ACSL4: variants seen among roughly 807,000 people sequenced by gnomAD.
ACSL4 encodes acyl-CoA synthetase long chain family member 4, also known as long-chain-fatty-acid--CoA ligase 4.
ACSL4 carries 9 observed loss-of-function variants against 49.1 expected under a neutral mutation model. The observed-to-expected ratio is 0.18, with a 90% CI of 0.11 to 0.32. ACSL4 has a LOEUF of 0.32. Among genes scored for constraint, ACSL4 ranks in the 10% least tolerant of loss-of-function variants. The pLI is 1.00. For missense variants in ACSL4, 333 were observed against 493.7 expected (o/e 0.67, Z 3.08); for synonymous variants, 191 against 170.3 (o/e 1.12, Z -0.95).
intron 15 of ACSL4, among the ~76,000 whole-genome samples, chrX:109,647,168 T>C (rs1323958481): frequency 2.7e-5 from 3 of 111,064 alleles, no homozygotes; most frequent in Non-Finnish European, 5.7e-5. Context: ...CTGCACCAAG[T>C]GGACCTAATA....
intron 1 of ACSL4, among the ~76,000 whole-genome samples, chrX:109,731,841 C>T (rs905960788): frequency 8.9e-6 from 1 of 112,094 alleles, no homozygotes; most frequent in African/African-American, 3.2e-5. Flanking sequence ...AAGGAAGAGG[C>T]CTTACACTGT....
intron 1 of ACSL4, among the ~76,000 whole-genome samples, chrX:109,719,157 T>C (rs970294750): frequency 1.8e-5 from 2 of 112,448 alleles, no homozygotes; most frequent in African/African-American, 6.5e-5. Flanking sequence ...ATCAGCTCTG[T>C]AAAACGTGTT....
At chrX:109,715,646 TAGAG>T (rs941246872) in intron 1 of ACSL4, among the ~76,000 whole-genome samples, 8 of 108,876 alleles carry the variant, frequency 7.3e-5, no homozygotes, top group African/African-American at 1.0e-4. Flanking sequence ...TATATATATA[TAGAG>T]AGAGATCAAA....
At chrX:109,686,064 C>G (rs775597952) in intron 2 of ACSL4, among the ~76,000 whole-genome samples, 4 of 111,736 alleles carry the variant, frequency 3.6e-5, no homozygotes, top group African/African-American at 1.3e-4. Flanking sequence ...TAAGGTATGT[C>G]ATGTCAAGGG....
intron 15 of ACSL4, among the ~76,000 whole-genome samples, chrX:109,646,799 T>C (rs368814148): frequency 2.7e-5 from 3 of 109,856 alleles, no homozygotes; most frequent in African/African-American, 9.9e-5. Flanking sequence ...GAGACACACA[T>C]AGGCTCAAAA....
intron 6 of ACSL4, among the ~76,000 whole-genome samples, chrX:109,680,737 C>T (rs1439681926): frequency 8.9e-6 from 1 of 112,881 alleles, no homozygotes; most frequent in Non-Finnish European, 1.9e-5. Flanking sequence ...AATGAAGAAA[C>T]ATTTGGCAGC....
At chrX:109,660,192 T>A (rs1306042285) in intron 14 of ACSL4, among the ~76,000 whole-genome samples, 1 of 111,053 alleles carries the variant, frequency 9.0e-6, no homozygotes, top group African/African-American at 3.3e-5. Flanking sequence ...AAATCATATA[T>A]CTGATAAGGG....
intron 1 of ACSL4, among the ~76,000 whole-genome samples, chrX:109,712,317 T>C (rs1926808215): frequency 9.0e-6 from 1 of 111,446 alleles, no homozygotes; most frequent in Non-Finnish European, 1.9e-5. Context: ...CAGGCTGGTC[T>C]CAAAACTTCT....
At chrX:109,711,402 G>A (rs1926740672) in intron 1 of ACSL4, among the ~76,000 whole-genome samples, 1 of 111,845 alleles carries the variant, frequency 8.9e-6, no homozygotes, top group African/African-American at 3.3e-5. Flanking sequence ...CAGATGACCT[G>A]GGTTCAATCC....
At chrX:109,718,707 TCA>T (rs1927311257) in intron 1 of ACSL4, among the ~76,000 whole-genome samples, 1 of 100,525 alleles carries the variant, frequency 9.9e-6, no homozygotes, top group African/African-American at 3.9e-5. Context: ...TGAGCCGAGG[TCA>T]CACCATTGCA....
At chrX:109,682,059 C>T (rs755721313) in intron 4 of ACSL4, among the ~76,000 whole-genome samples, 4 of 111,918 alleles carry the variant, frequency 3.6e-5, no homozygotes, top group Non-Finnish European at 5.6e-5. Flanking sequence ...AGCTGTTCAT[C>T]GTTGAAAGTG....
chrX:109,724,184 C>T (rs1017200077), intron 1 of ACSL4, among the ~76,000 whole-genome samples: 7 of 112,062 alleles, frequency 6.2e-5, no homozygotes, highest in African/African-American at 2.3e-4. Context: ...GCAAACATTT[C>T]ACCTTCCTTT....
In ACSL4 at chrX:109,684,925, G is replaced by T. The variant is rs140157974; in HGVS notation, c.-12-1550C>A. ...AGCATACACTAAATACGCTAAATACGCTTGACTAAATACGCTACGGTAGTT... is the reference window on the plus strand; with the variant it reads ...AGCATACACTAAATACGCTAAATACTCTTGACTAAATACGCTACGGTAGTT... On this transcript the variant is annotated intron_variant, in intron 2 of 15. Coordinates refer to ENST00000672401, the MANE Select transcript of ACSL4 (RefSeq NM_001318510.2). Among the ~76,000 whole-genome samples the T allele has an allele frequency of 7.7e-3, 851 of 110,644 alleles. 8 individuals are homozygous for T. The highest frequency in any genetic ancestry group is 0.026 in the African/African-American group (797 of 30,355).
chrX:109,724,167 A>G (rs1450077594), intron 1 of ACSL4, among the ~76,000 whole-genome samples: 1 of 112,445 alleles, frequency 8.9e-6, no homozygotes, highest in Non-Finnish European at 1.9e-5. Flanking sequence ...TCATAAAAAT[A>G]TGTATGGCAA....
At chrX:109,658,481 T>C (rs1313605592) in intron 15 of ACSL4, among the ~76,000 whole-genome samples, 3 of 111,415 alleles carry the variant, frequency 2.7e-5, no homozygotes, top group Non-Finnish European at 5.7e-5. Flanking sequence ...GGCTCCTCAC[T>C]GTCTACAGGA....
intron 1 of ACSL4, among the ~76,000 whole-genome samples, chrX:109,698,730 A>C (rs1041319315): frequency 1.2e-4 from 13 of 112,067 alleles, no homozygotes. Flanking sequence ...TGAGCAAAAC[A>C]AAGTCCACGC....
intron 1 of ACSL4, among the ~76,000 whole-genome samples, chrX:109,726,524 G>A (rs1350178248): frequency 8.9e-6 from 1 of 112,238 alleles, no homozygotes; most frequent in East Asian, 2.8e-4. Context: ...AAACAAGCAC[G>A]CTGGAGTACT....
At chrX:109,657,392 A>T (rs1451116028) in intron 15 of ACSL4, among the ~76,000 whole-genome samples, 6 of 65,056 alleles carry the variant, frequency 9.2e-5, no homozygotes, top group African/African-American at 3.8e-4. Context: ...AACAGGCCCC[A>T]GTGTGTGATG....
rs1041023187 is a variant in ACSL4, at chrX:109,641,551, G to C, written c.*2478C>G. On this transcript the variant is annotated 3_prime_UTR_variant, in exon 16 of 16. Coordinates refer to ENST00000672401, the MANE Select transcript of ACSL4 (RefSeq NM_001318510.2). The stretch of plus-strand genomic sequence containing the variant: ...CCAAAACACCACACAATCTTTATCT[G>C]TTCTCATCTTGTTACCTTAGAAACA... 2.8e-4 allele frequency: 31 copies of C among 112,550 alleles called. No individual in the cohort carries two copies. The highest frequency in any genetic ancestry group is 9.4e-4 in the African/African-American group (29 of 30,960). The allele number at this position is 112,550 out of a possible 1,213,427, so 9.3% of individuals were successfully genotyped here.
Sources: gnomAD v4.1 joint callset for allele counts (sites outside exome capture counted in the v4.1 genomes callset) on GRCh38, gnomAD v4.1.1 for gene constraint, MANE v1.5 for transcripts, NCBI Gene and HGNC (gene_info 2026-07-23, HGNC 2026-07-21) for gene names.